SPINK5: variants seen among roughly 807,000 people sequenced by gnomAD.
The protein encoded by SPINK5 is serine protease inhibitor Kazal-type 5.
In SPINK5, 125 loss-of-function variants were observed where a neutral mutation model predicts 151.8. The observed-to-expected ratio is 0.82, with a 90% CI of 0.71 to 0.96. SPINK5 has a LOEUF of 0.96. SPINK5 is among the 40% of genes least tolerant of loss of function. SPINK5 has a pLI of 0.00. For synonymous variants in SPINK5, 374 were observed against 395.3 expected (o/e 0.95, Z 0.64); for missense variants, 1,194 against 1,291.9 (o/e 0.92, Z 1.16).
rs1244556489 is a variant in SPINK5 at position 148,114,451 on chromosome 5, G to T, written c.1977G>T (p.Lys659Asn). 2.5e-6 allele frequency: 4 copies of T among 1,613,686 alleles called. No homozygotes were observed. In the South Asian group the frequency reaches 3.3e-5, roughly 13 times the overall value. The change falls in exon 21 of 33, where the codon AAG becomes AAT. Residue 659 changes from lysine (K) to asparagine (N), a missense_variant. Lys to Asn is a moderately conservative substitution (Grantham distance 94). Transcript: ENST00000256084. ...ATCCTGTGCGTGGCCCAGATGGCAA[G>T]ACCCATGGCAACAAGTGTGCCATGT... ...ENDPVRGPDG[K>N]THGNKCAMCK...
chr5:148,123,445 C>CTATATATATATATA, intron 26 of SPINK5, among the ~76,000 whole-genome samples: 1 of 130,350 alleles, frequency 7.7e-6, no homozygotes, highest in South Asian at 2.4e-4. Context: ...ATCTATCTAT[C>CTATATATATATATA]TATATATATA....
At chr5:148,123,343 TTATA>T (rs914787484) in intron 26 of SPINK5, among the ~76,000 whole-genome samples, 4 of 139,972 alleles carry the variant, frequency 2.9e-5, no homozygotes, top group Non-Finnish European at 6.0e-5. Flanking sequence ...CAGAACAAGA[TTATA>T]TATATATAAC....
At chr5:148,114,588 T>G in intron 21 of SPINK5, 99 bp downstream of exon 21, 1 of 1,541,256 alleles carries the variant, frequency 6.5e-7, no homozygotes, top group East Asian at 2.3e-5. Context: ...TCCTTACATG[T>G]AATAGAAACA....
chr5:148,125,488 A>G (rs752378212), intron 28 of SPINK5: 1 of 1,581,970 alleles, frequency 6.3e-7, no homozygotes, highest in Non-Finnish European at 8.7e-7. Flanking sequence ...AGGAAGGTCT[A>G]TCAAGTGTTG....
chr5:148,096,929 C>T (rs746953750), intron 10 of SPINK5, among the ~76,000 whole-genome samples: 6 of 151,350 alleles, frequency 4.0e-5, no homozygotes, highest in Non-Finnish European at 8.9e-5. Context: ...TAGCTTAAGC[C>T]TCATTTTGAA....
At chr5:148,090,923 TAGGC>T (rs1166672018) in intron 7 of SPINK5, 1 of 528,340 alleles carries the variant, frequency 1.9e-6, no homozygotes, top group Non-Finnish European at 3.4e-6. Context: ...TTTCTTACTA[TAGGC>T]AAGAAAGCTA....
chr5:148,100,949 A>T (rs1196136426), intron 13 of SPINK5, among the ~76,000 whole-genome samples: 1 of 152,136 alleles, frequency 6.6e-6, no homozygotes, highest in Non-Finnish European at 1.5e-5. Flanking sequence ...CAGTTTGCGG[A>T]TTTCAAAGAT....
At chr5:148,123,990 A>T in intron 27 of SPINK5, 30 bp downstream of exon 27, 1 of 1,612,902 alleles carries the variant, frequency 6.2e-7, no homozygotes, top group Non-Finnish European at 8.5e-7. Context: ...AATAAATTTG[A>T]TAGTTGTGCC....
intron 28 of SPINK5, 116 bp from the exon 29 acceptor site, chr5:148,125,607 G>A (rs1273267091): frequency 1.2e-6 from 2 of 1,614,198 alleles, no homozygotes; most frequent in African/African-American, 1.3e-5. Flanking sequence ...TTGCCAGGAT[G>A]AGTACAGTGA....
At chr5:148,132,112 C>G (rs569556370) in intron 31 of SPINK5, among the ~76,000 whole-genome samples, 9 of 152,212 alleles carry the variant, frequency 5.9e-5, no homozygotes, top group African/African-American at 2.2e-4. Context: ...TTATTATTGG[C>G]TTTAGTTTTG....
intron 9 of SPINK5, 70 bp from the exon 10 acceptor site, chr5:148,095,748 C>A: frequency 1.5e-6 from 2 of 1,319,970 alleles, no homozygotes; most frequent in Non-Finnish European, 2.2e-6. Flanking sequence ...ATTTTTCCAT[C>A]TATACCTAAT....
At chr5:148,110,545 A>T (rs1313685300) in intron 18 of SPINK5, among the ~76,000 whole-genome samples, 1 of 152,182 alleles carries the variant, frequency 6.6e-6, no homozygotes, top group African/African-American at 2.4e-5. Flanking sequence ...TCATTGTATT[A>T]TAACTTATAG....
chr5:148,106,031 T>A (rs771700044), intron 16 of SPINK5, among the ~76,000 whole-genome samples: 29 of 152,046 alleles, frequency 1.9e-4, no homozygotes, highest in Non-Finnish European at 2.9e-4. Context: ...CTTTTTTTTT[T>A]AAATAAGTGT....
intron 26 of SPINK5, among the ~76,000 whole-genome samples, chr5:148,122,132 T>G (rs1754285724): frequency 6.6e-6 from 1 of 152,108 alleles, no homozygotes; most frequent in Non-Finnish European, 1.5e-5. Flanking sequence ...ATTGTTCCAA[T>G]TTTTTAGAAT....
intron 4 of SPINK5, among the ~76,000 whole-genome samples, chr5:148,072,883 C>T (rs1462227849): frequency 6.8e-6 from 1 of 148,144 alleles, no homozygotes; most frequent in Non-Finnish European, 1.5e-5. Context: ...AAAAAAAGGT[C>T]ATAAAACATT....
At chr5:148,073,854 AC>A (rs1378780044) in intron 4 of SPINK5, among the ~76,000 whole-genome samples, 12 of 146,024 alleles carry the variant, frequency 8.2e-5, no homozygotes, top group African/African-American at 2.9e-4. Context: ...ACACACACAC[AC>A]ACACACAAAA....
intron 4 of SPINK5, among the ~76,000 whole-genome samples, chr5:148,085,862 T>C (rs1753139958): frequency 1.3e-5 from 2 of 151,880 alleles, no homozygotes; most frequent in Admixed American, 1.3e-4. Context: ...TAAATCCCTA[T>C]ATAGTCCTGA....
At chr5:148,098,751 T>C (rs13359934) in intron 11 of SPINK5, among the ~76,000 whole-genome samples, 1,994 of 151,932 alleles carry the variant, frequency 0.013, 49 homozygotes, top group African/African-American at 0.046. Flanking sequence ...AGGGTACACA[T>C]GGTGTGATAG....
At chr5:148,112,349 T>C (rs367591304) in intron 19 of SPINK5, among the ~76,000 whole-genome samples, 63 of 152,324 alleles carry the variant, frequency 4.1e-4, no homozygotes, top group African/African-American at 1.4e-3. Context: ...TGGTTTGCTA[T>C]GGCATGTGCG....
Sources: allele counts gnomAD v4.1 joint callset (sites outside exome capture counted in the v4.1 genomes callset), GRCh38; gene constraint gnomAD v4.1.1; transcripts MANE v1.5; gene names NCBI Gene and HGNC (gene_info 2026-07-23, HGNC 2026-07-21).